The following CDH12 variants were observed in gnomAD, a reference collection of about 807,000 sequenced individuals.
CDH12 encodes cadherin-12.
CDH12 carries 41 observed loss-of-function variants against 74.1 expected under a neutral mutation model. The ratio of observed to expected loss-of-function variants is 0.55; its 90% CI spans 0.43 to 0.72. The LOEUF is 0.72. Ranked by LOEUF, CDH12 falls within the 30% of genes least tolerant of loss-of-function variation. The pLI is 0.00. For synonymous variants in CDH12, 399 were observed against 355.0 expected (o/e 1.12, Z -1.39); for missense variants, 945 against 977.2 (o/e 0.97, Z 0.44).
rs186706100 is a variant in CDH12, at chr5:22,141,453, G to A, written c.-186-62591C>T. 8.5e-5 allele frequency: 13 copies of A among 152,276 alleles called. No homozygotes were observed. In the East Asian group the frequency reaches 2.5e-3, roughly 29 times the overall value. 9.4% of individuals were successfully genotyped at this position (152,276 alleles called of 1,614,324 possible). A position where few individuals can be genotyped will look rare whatever the true frequency, so the allele number is the denominator to read the frequency against. On this transcript the variant is annotated intron_variant, in intron 4 of 14. Transcript: ENST00000382254. ...TCATTAGGAGAGAAGAGCATCCTTA[G>A]TTCTTTAGTGAGACTGGAAGGTGTG...
chr5:22,135,117 G>A (rs1746381520), intron 4 of CDH12, among the ~76,000 whole-genome samples: 1 of 149,618 alleles, frequency 6.7e-6, no homozygotes, highest in Admixed American at 6.8e-5. Flanking sequence ...TTTTTACAAA[G>A]AATGTGAGAG....
chr5:22,620,602 T>C (rs1320539314), intron 1 of CDH12, among the ~76,000 whole-genome samples: 1 of 152,152 alleles, frequency 6.6e-6, no homozygotes, highest in Non-Finnish European at 1.5e-5. Context: ...GTTCATATAT[T>C]TCTTTCTTCC....
intron 3 of CDH12, among the ~76,000 whole-genome samples, chr5:22,328,274 G>A (rs1739208917): frequency 6.6e-6 from 1 of 152,142 alleles, no homozygotes; most frequent in South Asian, 2.1e-4. Context: ...ATAGTTACTA[G>A]TTATTGTCAA....
intron 1 of CDH12, among the ~76,000 whole-genome samples, chr5:22,535,158 C>CT (rs1428084818): frequency 0.14 from 10,461 of 75,382 alleles, 940 homozygotes; most frequent in Non-Finnish European, 0.19. Flanking sequence ...TTTTTTTTTT[C>CT]TTTTTTTTTT....
At chr5:21,830,383 T>A (rs1248629032) in intron 8 of CDH12, among the ~76,000 whole-genome samples, 1 of 151,832 alleles carries the variant, frequency 6.6e-6, no homozygotes, top group Non-Finnish European at 1.5e-5. Context: ...AAAATAAACA[T>A]CTTTACTGTC....
At chr5:22,670,406 A>G (rs965284412) in intron 1 of CDH12, among the ~76,000 whole-genome samples, 1 of 152,192 alleles carries the variant, frequency 6.6e-6, no homozygotes, top group Non-Finnish European at 1.5e-5. Flanking sequence ...AAGAATATAG[A>G]GATAAGAATA....
intron 2 of CDH12, among the ~76,000 whole-genome samples, chr5:22,503,531 G>T (rs1251985467): frequency 1.3e-5 from 2 of 151,994 alleles, no homozygotes; most frequent in East Asian, 3.9e-4. Flanking sequence ...TGGCATTTAT[G>T]AAAATCCTCA....
At position 22,600,451 on chromosome 5, in the gene CDH12, A is replaced by T. The variant is rs192760088; in HGVS notation, c.-522-95087T>A. On this transcript the variant is annotated intron_variant, in intron 1 of 14. Transcript: ENST00000382254. ...ATATGTGTATTTATTACATTTTAAG[A>T]TCTTTATGGAGCTTTACTGTATATA... is the stretch of plus-strand genomic sequence containing the variant. 5.9e-5 allele frequency among the ~76,000 whole-genome samples: 9 copies of T among 152,136 alleles called. No homozygotes were observed. The East Asian group carries it at 1.5e-3, about 26-fold the overall frequency.
intron 2 of CDH12, among the ~76,000 whole-genome samples, chr5:22,450,925 A>G (rs1745017271): frequency 7.6e-6 from 1 of 132,160 alleles, no homozygotes; most frequent in East Asian, 2.3e-4. Context: ...GAACTAGATT[A>G]TCTTTCTCAG....
intron 6 of CDH12, among the ~76,000 whole-genome samples, chr5:21,942,165 G>C (rs1333481514): frequency 6.6e-6 from 1 of 151,960 alleles, no homozygotes; most frequent in African/African-American, 2.4e-5. Context: ...GTTGGAGAAA[G>C]GGGTTATAGC....
At chr5:21,930,858 C>G (rs1414785520) in intron 6 of CDH12, among the ~76,000 whole-genome samples, 1 of 152,102 alleles carries the variant, frequency 6.6e-6, no homozygotes, top group Non-Finnish European at 1.5e-5. Flanking sequence ...ACATTACCAT[C>G]ATTTTTATTA....
At chr5:22,127,005 T>C (rs574493676) in intron 4 of CDH12, among the ~76,000 whole-genome samples, 82 of 152,326 alleles carry the variant, frequency 5.4e-4, no homozygotes, top group Non-Finnish European at 1.1e-3. Flanking sequence ...AAAGAGGGAC[T>C]TCTGGCTAAT....
At chr5:22,171,071 G>A (rs553598388) in intron 4 of CDH12, among the ~76,000 whole-genome samples, 3 of 151,888 alleles carry the variant, frequency 2.0e-5, no homozygotes, top group South Asian at 4.1e-4. Context: ...CATGTTATTT[G>A]GAAAGAAACA....
intron 6 of CDH12, among the ~76,000 whole-genome samples, chr5:21,878,471 G>A (rs1326721450): frequency 6.6e-6 from 1 of 151,158 alleles, no homozygotes; most frequent in Non-Finnish European, 1.5e-5. Context: ...TTTCACACCT[G>A]TAATCCTAGC....
Position 21,783,507 on chromosome 5 carries a change from A to C in CDH12, c.1257-13T>G, listed in dbSNP as rs1746033381. 20 of 1,591,468 alleles carry C rather than the reference A, an allele frequency of 1.3e-5. No individual in the cohort carries two copies. The highest frequency in any genetic ancestry group is 1.7e-5 in the Admixed American group (1 of 59,462). ...ATCTATGAAGTACCTGTATATGAAA[A>C]GAGTAGATGCAAATGTGCAATGATT... On this transcript the variant is annotated splice_polypyrimidine_tract_variant and intron_variant, in intron 10 of 14. Transcript: ENST00000382254.
chr5:22,832,946 G>C (rs1736682578), intron 1 of CDH12, among the ~76,000 whole-genome samples: 1 of 152,046 alleles, frequency 6.6e-6, no homozygotes, highest in East Asian at 1.9e-4. Context: ...TTTTTAAAAT[G>C]AGCATCTTTT....
At chr5:22,620,747 T>C (rs1322783647) in intron 1 of CDH12, among the ~76,000 whole-genome samples, 1 of 152,166 alleles carries the variant, frequency 6.6e-6, no homozygotes, top group Non-Finnish European at 1.5e-5. Context: ...AATCTAATTA[T>C]GGTAGAAAAA....
chr5:22,290,733 T>C (rs1464763859), intron 3 of CDH12, among the ~76,000 whole-genome samples: 1 of 152,146 alleles, frequency 6.6e-6, no homozygotes, highest in Non-Finnish European at 1.5e-5. Flanking sequence ...CATGAGAGAT[T>C]GTTATGAACA....
chr5:22,483,770 A>ATATATATATATAT (rs1400461763), intron 2 of CDH12, among the ~76,000 whole-genome samples: 139 of 100,916 alleles, frequency 1.4e-3, no homozygotes, highest in Non-Finnish European at 1.8e-3. Flanking sequence ...ATATAAATTT[A>ATATATATATATAT]ATTAATTGGG....
Sources: gnomAD v4.1 joint callset for allele counts (sites outside exome capture counted in the v4.1 genomes callset) on GRCh38, gnomAD v4.1.1 for gene constraint, MANE v1.5 for transcripts, NCBI Gene and HGNC (gene_info 2026-07-23, HGNC 2026-07-21) for gene names.